Variants in ARHGEF26 observed in about 807,000 individuals in gnomAD.
ARHGEF26 encodes Rho guanine nucleotide exchange factor (GEF) 26.
ARHGEF26 carries 59 observed loss-of-function variants against 89.4 expected under a neutral mutation model. The ratio of observed to expected loss-of-function variants is 0.66; its 90% CI spans 0.54 to 0.82. The LOEUF (loss-of-function observed/expected upper bound fraction) is 0.82. ARHGEF26 is among the 40% of genes least tolerant of loss of function. The pLI, the probability that ARHGEF26 is intolerant of heterozygous loss-of-function variation, is 0.00. For synonymous variants in ARHGEF26, 500 were observed against 428.4 expected (o/e 1.17, Z -2.06); for missense variants, 1,234 against 1,085.6 (o/e 1.14, Z -1.92).
intron 4 of ARHGEF26, among the ~76,000 whole-genome samples, chr3:154,137,522 T>C (rs2108066478): frequency 6.6e-6 from 1 of 152,274 alleles, no homozygotes; most frequent in Non-Finnish European, 1.5e-5. Context: ...ATTACTACTC[T>C]AGCTAAGAGA....
At chr3:154,139,167 G>A (rs555234109) in intron 4 of ARHGEF26, among the ~76,000 whole-genome samples, 5 of 152,210 alleles carry the variant, frequency 3.3e-5, no homozygotes, top group Admixed American at 6.5e-5. Flanking sequence ...TGGGGTGATG[G>A]TGGGTAAGAG....
chr3:154,252,700 G>A (rs1229452805), intron 12 of ARHGEF26, among the ~76,000 whole-genome samples: 8 of 152,334 alleles, frequency 5.3e-5, no homozygotes, highest in Non-Finnish European at 1.0e-4. Flanking sequence ...AAAGGTTTGA[G>A]TGTGTGGGAA....
rs143111213 is a variant in ARHGEF26 at position 154,251,756 on chromosome 3, T to C, written c.2301-1360T>C. ...ACAAAAGCATACATACTAAAGGATTTCATTTGCAAAAAGTACAAAAGAAGC... is the reference window on the plus strand; with the variant it reads ...ACAAAAGCATACATACTAAAGGATTCCATTTGCAAAAAGTACAAAAGAAGC... On this transcript the variant is annotated intron_variant, in intron 12 of 14. Coordinates refer to ENST00000465093, the MANE Select transcript of ARHGEF26 (RefSeq NM_015595.4). Among the ~76,000 whole-genome samples, 484 of 152,262 alleles carry C rather than the reference T, an allele frequency of 3.2e-3. 1 individual carries two copies. The highest frequency in any genetic ancestry group is 0.011 in the African/African-American group (451 of 41,560).
intron 6 of ARHGEF26, among the ~76,000 whole-genome samples, chr3:154,185,693 T>TC (rs1316305585): frequency 3.3e-5 from 5 of 152,158 alleles, no homozygotes; most frequent in Non-Finnish European, 7.3e-5. Flanking sequence ...AAATCATTGT[T>TC]CCTTGGCAAT....
intron 12 of ARHGEF26, among the ~76,000 whole-genome samples, chr3:154,245,823 A>C (rs1193296292): frequency 1.3e-5 from 2 of 152,098 alleles, no homozygotes; most frequent in Non-Finnish European, 2.9e-5. Context: ...ACTTCCCATC[A>C]AGTGTTATTC....
rs955692640 is a variant in ARHGEF26, at chr3:154,217,786, A to G, written c.1846-83A>G. On this transcript the variant is annotated intron_variant, in intron 9 of 14. Transcript: ENST00000465093. ...AATCTCTAGGGCTTCCCAAGTGGTA[A>G]TTATTTCCTGTGAGAGTTCTGCTTT... 21 of 1,074,588 alleles carry G rather than the reference A, an allele frequency of 2.0e-5. No individual in the cohort carries two copies. In the African/African-American group the frequency reaches 3.0e-4, roughly 15 times the overall value. 66.6% of individuals were successfully genotyped at this position (1,074,588 alleles called of 1,614,324 possible).
chr3:154,153,001 T>A, intron 6 of ARHGEF26, 69 bp downstream of exon 6: 1 of 1,293,816 alleles, frequency 7.7e-7, no homozygotes. Flanking sequence ...TTGTTATCTC[T>A]AAAGGAAGGC....
At chr3:154,208,742 A>G (rs970019601) in intron 9 of ARHGEF26, among the ~76,000 whole-genome samples, 5 of 147,784 alleles carry the variant, frequency 3.4e-5, no homozygotes, top group African/African-American at 7.5e-5. Flanking sequence ...ACTCTGGTGC[A>G]GTATTCAGTA....
At chr3:154,172,156 A>C (rs957754400) in intron 6 of ARHGEF26, among the ~76,000 whole-genome samples, 2 of 152,178 alleles carry the variant, frequency 1.3e-5, no homozygotes, top group African/African-American at 4.8e-5. Context: ...CATCAGTGTA[A>C]AAAGGATACA....
At chr3:154,237,317 C>T (rs549374524) in intron 11 of ARHGEF26, among the ~76,000 whole-genome samples, 6 of 151,954 alleles carry the variant, frequency 3.9e-5, no homozygotes, top group Admixed American at 2.6e-4. Context: ...TTTGGGAGGC[C>T]GATTACTTGA....
At chr3:154,161,477 T>C (rs770790404) in intron 6 of ARHGEF26, among the ~76,000 whole-genome samples, 35 of 152,182 alleles carry the variant, frequency 2.3e-4, no homozygotes, top group Non-Finnish European at 4.6e-4. Context: ...ACAAGTTCTT[T>C]AGTAGCAATT....
At chr3:154,169,649 A>T (rs1289302011) in intron 6 of ARHGEF26, among the ~76,000 whole-genome samples, 1 of 152,200 alleles carries the variant, frequency 6.6e-6, no homozygotes, top group Non-Finnish European at 1.5e-5. Flanking sequence ...TTAGAGTTCT[A>T]GTGCTGTACT....
chr3:154,253,249 G>A, intron 13 of ARHGEF26, 66 bp downstream of exon 13: 1 of 1,576,928 alleles, frequency 6.3e-7, no homozygotes, highest in Non-Finnish European at 8.7e-7. Context: ...CTGGACGCCG[G>A]GTTACTAACG....
At chr3:154,196,592 TG>T (rs1361270038) in intron 9 of ARHGEF26, among the ~76,000 whole-genome samples, 2 of 152,218 alleles carry the variant, frequency 1.3e-5, no homozygotes, top group Non-Finnish European at 2.9e-5. Context: ...CTAACATTTT[TG>T]TAGTAAAAGT....
chr3:154,145,471 G>A (rs1353714585), intron 4 of ARHGEF26, among the ~76,000 whole-genome samples: 1 of 152,172 alleles, frequency 6.6e-6, no homozygotes, highest in Non-Finnish European at 1.5e-5. Flanking sequence ...GCTCAGATGG[G>A]TGTTCAGTAT....
At chr3:154,138,276 T>C (rs543289537) in intron 4 of ARHGEF26, among the ~76,000 whole-genome samples, 2 of 152,312 alleles carry the variant, frequency 1.3e-5, no homozygotes, top group South Asian at 4.1e-4. Context: ...TCAGTTTTAG[T>C]TGGAGAGTAT....
chr3:154,223,372 G>A (rs1716262250), intron 10 of ARHGEF26, among the ~76,000 whole-genome samples: 2 of 152,116 alleles, frequency 1.3e-5, no homozygotes, highest in South Asian at 4.1e-4. Context: ...CAAGAGAACT[G>A]AAAAGAGATG....
intron 4 of ARHGEF26, among the ~76,000 whole-genome samples, chr3:154,142,075 A>G (rs1054418259): frequency 6.6e-6 from 1 of 152,218 alleles, no homozygotes; most frequent in African/African-American, 2.4e-5. Flanking sequence ...AAAGTGAATG[A>G]CACAGTTGAA....
intron 4 of ARHGEF26, among the ~76,000 whole-genome samples, chr3:154,148,004 A>G (rs1398349478): frequency 6.6e-6 from 1 of 151,712 alleles, no homozygotes; most frequent in African/African-American, 2.4e-5. Flanking sequence ...ATGACCTTCT[A>G]CCTCCAGACA....
Sources: gnomAD v4.1 joint callset for allele counts (sites outside exome capture counted in the v4.1 genomes callset) on GRCh38, gnomAD v4.1.1 for gene constraint, MANE v1.5 for transcripts, NCBI Gene and HGNC (gene_info 2026-07-23, HGNC 2026-07-21) for gene names.